Variants in PSD3 observed in about 807,000 individuals in gnomAD.
The protein encoded by PSD3 is PH and SEC7 domain-containing protein 3.
A neutral mutation model predicts 105.5 loss-of-function variants in PSD3; 49 were observed. The ratio of observed to expected loss-of-function variants is 0.46; its 90% confidence interval spans 0.37 to 0.59. The LOEUF is 0.59. Among genes scored for constraint, PSD3 ranks in the 20% least tolerant of loss-of-function variants. The pLI is 0.00. For synonymous variants in PSD3, 557 were observed against 457.8 expected (o/e 1.22, Z -2.77); for missense variants, 1,561 against 1,263.8 (o/e 1.24, Z -3.57).
chr8:18,808,779 G>A, intron 4 of PSD3: 1 of 1,613,986 alleles, frequency 6.2e-7, no homozygotes, highest in South Asian at 1.1e-5. Flanking sequence ...ACACCAAGAA[G>A]AGCCCATCGC....
chr8:18,594,511 TGA>T (rs1280693275), intron 12 of PSD3, among the ~76,000 whole-genome samples: 2 of 143,554 alleles, frequency 1.4e-5, no homozygotes, highest in East Asian at 4.0e-4. Flanking sequence ...AAACGAAAGT[TGA>T]GAGAGTTCAT....
chr8:18,722,734 A>C (rs1222091342), intron 9 of PSD3, among the ~76,000 whole-genome samples: 1 of 152,166 alleles, frequency 6.6e-6, no homozygotes, highest in African/African-American at 2.4e-5. Flanking sequence ...TCGGCCTGGG[A>C]TGCCCTGAGG....
intron 4 of PSD3, among the ~76,000 whole-genome samples, chr8:18,829,814 T>C (rs1362392891): frequency 1.2e-4 from 18 of 152,134 alleles, no homozygotes; most frequent in Admixed American, 1.0e-3. Flanking sequence ...TTTGAGAGAA[T>C]TTTTACTACA....
At chr8:18,622,809 G>A (rs930817113) in intron 11 of PSD3, among the ~76,000 whole-genome samples, 2 of 152,130 alleles carry the variant, frequency 1.3e-5, no homozygotes, top group African/African-American at 4.8e-5. Flanking sequence ...TGTAAGAGGA[G>A]CTTAACGGAT....
chr8:18,870,617 C>T (rs1696830532), intron 3 of PSD3, among the ~76,000 whole-genome samples: 1 of 150,184 alleles, frequency 6.7e-6, no homozygotes, highest in South Asian at 2.1e-4. Context: ...CACCATGGCA[C>T]ATGTATACTT....
At chr8:18,745,976 A>G (rs1342582263) in intron 9 of PSD3, among the ~76,000 whole-genome samples, 2 of 152,206 alleles carry the variant, frequency 1.3e-5, no homozygotes, top group Non-Finnish European at 1.5e-5. Context: ...AAATGCCTAG[A>G]CAGACAGACA....
chr8:18,684,565 GT>G (rs1377414930), intron 9 of PSD3, among the ~76,000 whole-genome samples: 1 of 152,092 alleles, frequency 6.6e-6, no homozygotes, highest in Admixed American at 6.5e-5. Context: ...TTTCTTTCCC[GT>G]TTCAGGCCAC....
intron 12 of PSD3, among the ~76,000 whole-genome samples, chr8:18,585,462 C>G (rs1482357138): frequency 6.6e-6 from 1 of 152,108 alleles, no homozygotes; most frequent in East Asian, 1.9e-4. Context: ...GGACCACAGG[C>G]AAGTACCACT....
chr8:18,579,694 G>C (rs1224247557), intron 12 of PSD3, among the ~76,000 whole-genome samples: 2 of 152,024 alleles, frequency 1.3e-5, no homozygotes, highest in Non-Finnish European at 2.9e-5. Context: ...ATCTACATAT[G>C]TACAAAAAAT....
At chr8:18,872,807 C>A in intron 2 of PSD3, 74 bp from the exon 3 acceptor site, 2 of 1,377,178 alleles carry the variant, frequency 1.5e-6, no homozygotes, top group Non-Finnish European at 2.0e-6. Flanking sequence ...TGCATATTCA[C>A]ACAGATTAGG....
At chr8:18,580,138 G>A (rs750326351) in intron 12 of PSD3, among the ~76,000 whole-genome samples, 1 of 152,000 alleles carries the variant, frequency 6.6e-6, no homozygotes, top group African/African-American at 2.4e-5. Context: ...ATTCAGCTTC[G>A]TCCTAATAAC....
intron 2 of PSD3, among the ~76,000 whole-genome samples, chr8:18,893,273 C>T (rs1189284889): frequency 6.6e-6 from 1 of 152,034 alleles, no homozygotes; most frequent in Non-Finnish European, 1.5e-5. Context: ...AGGGGCTGAC[C>T]TGAGGGGGTT....
chr8:18,966,613 A>T (rs1292451512), intron 1 of PSD3, among the ~76,000 whole-genome samples: 1 of 151,388 alleles, frequency 6.6e-6, no homozygotes, highest in African/African-American at 2.4e-5. Context: ...AGTCATTTTT[A>T]AAAATACTTC....
intron 2 of PSD3, among the ~76,000 whole-genome samples, chr8:18,907,223 T>C (rs1311191216): frequency 6.6e-6 from 1 of 152,210 alleles, no homozygotes; most frequent in Non-Finnish European, 1.5e-5. Flanking sequence ...AGTGATGTCC[T>C]AGGCCTTCAT....
chr8:18,818,864 T>A (rs975105814), intron 4 of PSD3, among the ~76,000 whole-genome samples: 1 of 151,840 alleles, frequency 6.6e-6, no homozygotes, highest in African/African-American at 2.4e-5. Flanking sequence ...TAAATAGGAA[T>A]CCCCTTGGAC....
At chr8:18,680,326 T>C (rs937745545) in intron 9 of PSD3, among the ~76,000 whole-genome samples, 2 of 152,156 alleles carry the variant, frequency 1.3e-5, no homozygotes, top group Non-Finnish European at 2.9e-5. Flanking sequence ...CTGATTGTAT[T>C]CTACTTTTAG....
At chr8:19,042,682 A>C (rs1185091798) in intron 1 of PSD3, among the ~76,000 whole-genome samples, 3 of 152,210 alleles carry the variant, frequency 2.0e-5, no homozygotes, top group Non-Finnish European at 2.9e-5. Context: ...AAAATAACTG[A>C]ATTCATGAAG....
chr8:18,565,182 T>G (rs1172791004), intron 14 of PSD3, among the ~76,000 whole-genome samples: 1 of 152,106 alleles, frequency 6.6e-6, no homozygotes, highest in Non-Finnish European at 1.5e-5. Flanking sequence ...AATGTGCATT[T>G]TCTGCAAGTC....
intron 9 of PSD3, among the ~76,000 whole-genome samples, chr8:18,746,592 TTA>T (rs1312344673): frequency 4.6e-5 from 7 of 152,220 alleles, no homozygotes; most frequent in Non-Finnish European, 1.0e-4. Context: ...AGTTTCAGAA[TTA>T]ATAGCTCATA....
Sources: gnomAD v4.1 joint callset for allele counts (sites outside exome capture counted in the v4.1 genomes callset) on GRCh38, gnomAD v4.1.1 for gene constraint, MANE v1.5 for transcripts, NCBI Gene and HGNC (gene_info 2026-07-23, HGNC 2026-07-21) for gene names.